The following SENP1 variants were observed in gnomAD, a reference collection of about 807,000 sequenced individuals.
SENP1 encodes SUMO specific peptidase 1, also known as sentrin-specific protease 1.
Under a neutral mutation model 93.0 loss-of-function variants are expected in SENP1, and 21 were observed. That is an observed-to-expected ratio of 0.23 (90% CI 0.16 to 0.33). The LOEUF (loss-of-function observed/expected upper bound fraction) is 0.33, where lower values mean the gene tolerates loss of function less well. Ranked by LOEUF, SENP1 falls within the 10% of genes least tolerant of loss-of-function variation. The probability of loss-of-function intolerance (pLI) is 1.00; values close to 1 mark genes in which losing one functional copy is unlikely to be tolerated. For missense variants in SENP1, 591 were observed against 758.7 expected (o/e 0.78, Z 2.60); for synonymous variants, 256 against 259.6 (o/e 0.99, Z 0.13).
intron 6 of SENP1, among the ~76,000 whole-genome samples, chr12:48,078,434 G>A (rs1944292292): frequency 6.7e-6 from 1 of 149,516 alleles, no homozygotes; most frequent in Non-Finnish European, 1.5e-5. Context: ...CACATACACT[G>A]TATTCATTTA....
At chr12:48,059,763 G>A (rs1415784685) in intron 13 of SENP1, among the ~76,000 whole-genome samples, 3 of 152,062 alleles carry the variant, frequency 2.0e-5, no homozygotes, top group Non-Finnish European at 4.4e-5. Context: ...AGGCTTTTGA[G>A]GTTTGTTTTT....
At chr12:48,050,882 C>T (rs565987606) in intron 13 of SENP1, among the ~76,000 whole-genome samples, 14 of 152,294 alleles carry the variant, frequency 9.2e-5, no homozygotes, top group Admixed American at 8.5e-4. Flanking sequence ...AAGACATAAG[C>T]AGATGATCTG....
At chr12:48,098,762 T>C (rs1945732631) in intron 2 of SENP1, among the ~76,000 whole-genome samples, 1 of 151,166 alleles carries the variant, frequency 6.6e-6, no homozygotes, top group African/African-American at 2.4e-5. Flanking sequence ...CAGTGAGCTA[T>C]CATCACACCA....
At chr12:48,070,452 G>A (rs929035802) in intron 9 of SENP1, among the ~76,000 whole-genome samples, 2 of 152,074 alleles carry the variant, frequency 1.3e-5, no homozygotes, top group Non-Finnish European at 2.9e-5. Flanking sequence ...CCCTCAAGTA[G>A]AATGCAAGCT....
At chr12:48,086,925 G>C (rs1944906717) in intron 5 of SENP1, among the ~76,000 whole-genome samples, 1 of 152,104 alleles carries the variant, frequency 6.6e-6, no homozygotes, top group African/African-American at 2.4e-5. Flanking sequence ...TGTAGTCCCA[G>C]CTACTCGGAA....
At chr12:48,094,823 AT>A (rs1225504105) in intron 4 of SENP1, among the ~76,000 whole-genome samples, 5 of 152,204 alleles carry the variant, frequency 3.3e-5, no homozygotes, top group Non-Finnish European at 7.3e-5. Context: ...ATTCTATCCA[AT>A]GGTAAATTGG....
chr12:48,094,131 T>C (rs1382583035), intron 4 of SENP1, among the ~76,000 whole-genome samples: 2 of 152,102 alleles, frequency 1.3e-5, no homozygotes, highest in African/African-American at 2.4e-5. Flanking sequence ...TCTCAGCACC[T>C]TGGGAGGCCT....
intron 17 of SENP1, among the ~76,000 whole-genome samples, chr12:48,045,605 T>C (rs1941308131): frequency 6.6e-6 from 1 of 152,194 alleles, no homozygotes; most frequent in African/African-American, 2.4e-5. Flanking sequence ...ACACTGGGTA[T>C]TTCCAGGAAT....
intron 8 of SENP1, among the ~76,000 whole-genome samples, chr12:48,072,595 GCAA>G (rs1943782820): frequency 6.6e-6 from 1 of 152,104 alleles, no homozygotes; most frequent in African/African-American, 2.4e-5. Context: ...TCCAGCCTGA[GCAA>G]CAGAGTGACA....
chr12:48,093,424 C>T, intron 4 of SENP1, among the ~76,000 whole-genome samples: 1 of 151,760 alleles, frequency 6.6e-6, no homozygotes, highest in South Asian at 2.1e-4. Flanking sequence ...GCTGGGATTA[C>T]AGGTGTCCTC....
Position 48,104,263 on chromosome 12 carries a change from G to T in SENP1, c.-45+1765C>A, listed in dbSNP as rs1177115971. On this transcript the variant is annotated intron_variant, in intron 1 of 17. Coordinates refer to ENST00000549518, the MANE Select transcript of SENP1 (RefSeq NM_001267594.2). ...GAGAGAGAGAGAGAGAGACGGGGGG[G>T]GGGGGGGGGGCGGAGGGAGGGAGAG... Among the ~76,000 whole-genome samples the T allele has an allele frequency of 1.1e-4, 4 of 37,684 alleles. No individual in the cohort carries two copies. In the East Asian group the frequency reaches 6.6e-3, roughly 62 times the overall value. The allele number at this position is 37,684 out of a possible 152,430, so 24.7% of individuals were successfully genotyped here.
At chr12:48,092,660 A>G (rs1040159586) in intron 4 of SENP1, among the ~76,000 whole-genome samples, 5 of 152,162 alleles carry the variant, frequency 3.3e-5, no homozygotes, top group Non-Finnish European at 5.9e-5. Flanking sequence ...TCATCACCAT[A>G]TATATAGTAA....
chr12:48,098,533 C>T (rs1945711963), intron 2 of SENP1, among the ~76,000 whole-genome samples: 1 of 151,606 alleles, frequency 6.6e-6, no homozygotes, highest in South Asian at 2.1e-4. Flanking sequence ...ATCCCAGCTA[C>T]TCGGGAGGCT....
rs1459974046 is a variant in SENP1 at position 48,044,684 on chromosome 12, G to C, written c.*638C>G. The C allele has an allele frequency of 6.6e-6, 1 of 152,458 alleles. No individual in the cohort carries two copies. Among genetic ancestry groups the C allele is most frequent in the African/African-American group, 2.4e-5 (1 of 41,406 alleles). 9.4% of individuals were successfully genotyped at this position (152,458 alleles called of 1,614,324 possible). ...CCAGGGCTCATGTGCTGTGCCTCCGGATAGGATGAAGCTACAGATGATAAA... is the reference window on the plus strand; with the variant it reads ...CCAGGGCTCATGTGCTGTGCCTCCGCATAGGATGAAGCTACAGATGATAAA... On this transcript the variant is annotated 3_prime_UTR_variant, in exon 18 of 18. Transcript: ENST00000549518.
chr12:48,071,611 G>A lies in SENP1; in HGVS notation c.995+56C>T, dbSNP rs914783129. 4.5e-5 allele frequency: 57 copies of A among 1,271,742 alleles called. No individual in the cohort carries two copies. In the East Asian group the frequency reaches 7.7e-4, roughly 17 times the overall value. 78.8% of individuals were successfully genotyped at this position (1,271,742 alleles called of 1,614,324 possible). ...AGCCTGGGCAACAGAGCGAGACTCC[G>A]TCTCAAAAAGATATATTAATTAATT... On this transcript the variant is annotated intron_variant, in intron 9 of 17. Coordinates refer to ENST00000549518, the MANE Select transcript of SENP1 (RefSeq NM_001267594.2).
At chr12:48,046,112 G>A (rs904490597) in intron 17 of SENP1, among the ~76,000 whole-genome samples, 3 of 152,198 alleles carry the variant, frequency 2.0e-5, no homozygotes, top group Non-Finnish European at 4.4e-5. Context: ...GGCAGAGAAG[G>A]TTCTGCTCTT....
In SENP1 at chr12:48,045,110, T is replaced by C; in HGVS notation, c.*212A>G. On this transcript the variant is annotated 3_prime_UTR_variant, in exon 18 of 18. Transcript: ENST00000549518. ...TCAGCTTAGGGATGTCCCTCACCCC[T>C]TTCACAGCACCAAAGTTTCTTTGCA... 1 of 561,674 alleles carries C rather than the reference T, an allele frequency of 1.8e-6. No individual in the cohort carries two copies. The highest frequency in any genetic ancestry group is 3.2e-6 in the Non-Finnish European group (1 of 310,212). The allele number at this position is 561,674 out of a possible 1,614,324, so 34.8% of individuals were successfully genotyped here. A position where few individuals can be genotyped will look rare whatever the true frequency, so the allele number is the denominator to read the frequency against.
At chr12:48,058,792 C>T (rs1242926524) in intron 13 of SENP1, among the ~76,000 whole-genome samples, 1 of 152,116 alleles carries the variant, frequency 6.6e-6, no homozygotes. Context: ...ATTCTTCTTC[C>T]GCCTGAAGAA....
At chr12:48,089,522 TATA>T (rs1461675700) in intron 4 of SENP1, among the ~76,000 whole-genome samples, 3 of 152,252 alleles carry the variant, frequency 2.0e-5, no homozygotes, top group African/African-American at 7.2e-5. Flanking sequence ...CTGGTTCTGG[TATA>T]ATAATCTTCA....
Sources: allele counts gnomAD v4.1 joint callset (sites outside exome capture counted in the v4.1 genomes callset), GRCh38; gene constraint gnomAD v4.1.1; transcripts MANE v1.5; gene names NCBI Gene and HGNC (gene_info 2026-07-23, HGNC 2026-07-21).